Variants in ADK observed in about 807,000 individuals in gnomAD.
The protein encoded by ADK is N6,N6-dimethyladenosine kinase.
In ADK, 24 loss-of-function variants were observed where a neutral mutation model predicts 44.7. The observed-to-expected ratio is 0.54, with a 90% CI of 0.39 to 0.76. The LOEUF is 0.76. Ranked by LOEUF, ADK falls within the 30% of genes least tolerant of loss-of-function variation. The pLI is 0.00. For synonymous variants in ADK, 128 were observed against 142.6 expected (o/e 0.90, Z 0.73); for missense variants, 321 against 425.1 (o/e 0.76, Z 2.15).
intron 2 of ADK, among the ~76,000 whole-genome samples, chr10:74,215,829 AT>A (rs35870828): frequency 0.74 from 110,977 of 150,592 alleles, 41,558 homozygotes; most frequent in Middle Eastern, 0.85. Context: ...ATTTTTTTGT[AT>A]TTTTTTTAGT....
chr10:74,431,807 A>T (rs778867734), intron 6 of ADK, among the ~76,000 whole-genome samples: 1 of 151,808 alleles, frequency 6.6e-6, no homozygotes, highest in East Asian at 1.9e-4. Flanking sequence ...GCAAGACTCT[A>T]TCTCAGTCAA....
intron 3 of ADK, among the ~76,000 whole-genome samples, chr10:74,236,663 C>T (rs1301023120): frequency 2.0e-5 from 3 of 152,150 alleles, no homozygotes; most frequent in African/African-American, 4.8e-5. Context: ...TATACAGGCA[C>T]ACCTTGGAGA....
chr10:74,584,297 C>T (rs1444453928), intron 7 of ADK, among the ~76,000 whole-genome samples: 1 of 152,188 alleles, frequency 6.6e-6, no homozygotes, highest in Non-Finnish European at 1.5e-5. Flanking sequence ...TAAAGTATTT[C>T]ATTTATTCCT....
At chr10:74,505,268 A>G (rs1464563327) in intron 6 of ADK, among the ~76,000 whole-genome samples, 5 of 152,224 alleles carry the variant, frequency 3.3e-5, no homozygotes. Context: ...TGCCCATATC[A>G]TAGAAGGGTC....
At chr10:74,176,927 G>T in intron 1 of ADK, 1 of 1,607,906 alleles carries the variant, frequency 6.2e-7, no homozygotes, top group Non-Finnish European at 8.5e-7. Context: ...CGAGCTGGGC[G>T]TTAGCCTCCC....
chr10:74,596,562 TTG>T (rs1851933664), intron 8 of ADK, among the ~76,000 whole-genome samples: 1 of 152,050 alleles, frequency 6.6e-6, no homozygotes, highest in Non-Finnish European at 1.5e-5. Context: ...TTTTTTTTTT[TTG>T]AGACAGGGTC....
chr10:74,271,658 C>A, intron 3 of ADK, among the ~76,000 whole-genome samples: 1 of 140,484 alleles, frequency 7.1e-6, no homozygotes, highest in East Asian at 2.1e-4. Context: ...TGAGAACATG[C>A]GGTGTTTGGT....
rs571917543 is a variant in ADK at position 74,463,413 on chromosome 10, C to T, written c.556-61843C>T. 1.5e-4 allele frequency among the ~76,000 whole-genome samples: 23 copies of T among 152,284 alleles called. No individual in the cohort carries two copies. The South Asian group carries it at 4.8e-3, about 32-fold the overall frequency. On this transcript the variant is annotated intron_variant, in intron 6 of 10. Transcript: ENST00000539909. The stretch of plus-strand genomic sequence containing the variant: ...GGAGTCAGTGACAGATCATCAGGCA[C>T]TAGATTCTCATAAGGAGCACATAAG...
chr10:74,564,801 C>T (rs908769248), intron 7 of ADK, among the ~76,000 whole-genome samples: 1 of 152,148 alleles, frequency 6.6e-6, no homozygotes, highest in Non-Finnish European at 1.5e-5. Flanking sequence ...TGCTTTCCTT[C>T]ACCTCCCCCA....
At chr10:74,213,176 G>C (rs944914290) in intron 2 of ADK, among the ~76,000 whole-genome samples, 15 of 152,250 alleles carry the variant, frequency 9.9e-5, no homozygotes, top group Middle Eastern at 3.4e-3. Context: ...GAGTGGTGCT[G>C]TCATGCCTCC....
intron 10 of ADK, among the ~76,000 whole-genome samples, chr10:74,685,951 T>G (rs546345598): frequency 6.6e-6 from 1 of 151,500 alleles, no homozygotes; most frequent in East Asian, 1.9e-4. Context: ...ATATGTGGGG[T>G]TTTTTGTTTG....
chr10:74,185,995 GC>G (rs1465900316), intron 1 of ADK, among the ~76,000 whole-genome samples: 1 of 151,492 alleles, frequency 6.6e-6, no homozygotes, highest in African/African-American at 2.4e-5. Context: ...TTACAGGTGC[GC>G]CCCACCGTGC....
chr10:74,268,691 G>A (rs6480731), intron 3 of ADK, among the ~76,000 whole-genome samples: 97,890 of 151,994 alleles, frequency 0.64, 32,865 homozygotes, highest in Middle Eastern at 0.79. Context: ...TATCACAGAT[G>A]TTGTAGAATG....
chr10:74,670,137 T>A (rs371244621), intron 9 of ADK, 46 bp from the exon 10 acceptor site: 158 of 1,409,402 alleles, frequency 1.1e-4, no homozygotes, highest in Admixed American at 1.5e-4. Flanking sequence ...TTGTATTGAG[T>A]GTTACAAAGA....
chr10:74,267,762 G>T (rs960852643), intron 3 of ADK, among the ~76,000 whole-genome samples: 1 of 144,196 alleles, frequency 6.9e-6, no homozygotes, highest in African/African-American at 2.6e-5. Flanking sequence ...ATTTGTGTGT[G>T]TGTGTGTGTG....
intron 7 of ADK, among the ~76,000 whole-genome samples, chr10:74,537,225 TTC>T (rs1849483639): frequency 6.6e-6 from 1 of 152,234 alleles, no homozygotes; most frequent in South Asian, 2.1e-4. Context: ...AGTGACAAAT[TTC>T]TGTTTCTTTA....
intron 6 of ADK, among the ~76,000 whole-genome samples, chr10:74,522,396 C>G (rs1466236602): frequency 6.6e-6 from 1 of 152,084 alleles, no homozygotes; most frequent in Non-Finnish European, 1.5e-5. Flanking sequence ...GGGAGAAGGT[C>G]AGAGTGACCT....
At chr10:74,279,686 T>C (rs1201407052) in intron 3 of ADK, among the ~76,000 whole-genome samples, 1 of 152,150 alleles carries the variant, frequency 6.6e-6, no homozygotes, top group Non-Finnish European at 1.5e-5. Context: ...AATAGTGATG[T>C]TTCATCTTAC....
intron 3 of ADK, among the ~76,000 whole-genome samples, chr10:74,306,329 C>T (rs1840247183): frequency 2.0e-5 from 3 of 151,754 alleles, no homozygotes; most frequent in Admixed American, 6.6e-5. Flanking sequence ...TTTGCTGAGT[C>T]TTTTCACTTT....
Sources: allele counts gnomAD v4.1 joint callset (sites outside exome capture counted in the v4.1 genomes callset), GRCh38; gene constraint gnomAD v4.1.1; transcripts MANE v1.5; gene names NCBI Gene and HGNC (gene_info 2026-07-23, HGNC 2026-07-21).